B3GALT1: variants seen among roughly 807,000 people sequenced by gnomAD.
B3GALT1 encodes beta-1,3-galactosyltransferase 1.
B3GALT1 carries 10 observed loss-of-function variants against 23.2 expected under a neutral mutation model. The observed-to-expected ratio is 0.43, with a 90% CI of 0.27 to 0.73. The LOEUF (loss-of-function observed/expected upper bound fraction) is 0.73, where lower values mean the gene tolerates loss of function less well. B3GALT1 is among the 30% of genes least tolerant of loss of function. The pLI is 0.21. For synonymous variants in B3GALT1, 156 were observed against 141.5 expected (o/e 1.10, Z -0.73); for missense variants, 299 against 405.4 (o/e 0.74, Z 2.25).
intron 3 of B3GALT1, among the ~76,000 whole-genome samples, chr2:167,658,967 A>C (rs1686008225): frequency 6.6e-6 from 1 of 152,152 alleles, no homozygotes; most frequent in Non-Finnish European, 1.5e-5. Flanking sequence ...GAAACAACAA[A>C]TTCTAGTCCA....
rs192757814 is a variant in B3GALT1 at position 167,497,055 on chromosome 2, A to T, written c.-410+6778A>T. 3.8e-3 allele frequency among the ~76,000 whole-genome samples: 521 copies of T among 138,500 alleles called. 5 individuals are homozygous for T. Among genetic ancestry groups the T allele is most frequent in the Non-Finnish European group, 5.7e-3 (386 of 67,796 alleles). 90.9% of individuals were successfully genotyped at this position (138,500 alleles called of 152,430 possible). On this transcript the variant is annotated intron_variant, in intron 2 of 4. Coordinates refer to ENST00000392690, the MANE Select transcript of B3GALT1 (RefSeq NM_020981.4). ...TGTACCCTAAAACTTAAACTATAAT[A>T]AAAAAAAAGTACATTTCTGTTGCTT...
intron 2 of B3GALT1, among the ~76,000 whole-genome samples, chr2:167,522,900 A>G (rs1218909475): frequency 2.6e-5 from 4 of 152,206 alleles, no homozygotes; most frequent in African/African-American, 9.6e-5. Context: ...CAGTAAAAGC[A>G]TTCTAAAGCA....
chr2:167,796,005 G>A (rs11892261), intron 3 of B3GALT1, among the ~76,000 whole-genome samples: 17,502 of 152,160 alleles, frequency 0.12, 1,395 homozygotes, highest in African/African-American at 0.21. Flanking sequence ...CTTTCAGTTG[G>A]TTTAATAACT....
intron 3 of B3GALT1, among the ~76,000 whole-genome samples, chr2:167,791,312 G>A (rs772397503): frequency 3.3e-5 from 5 of 151,902 alleles, no homozygotes; most frequent in African/African-American, 4.8e-5. Flanking sequence ...AACTACTTTC[G>A]CAGTTTTTAT....
chr2:167,418,672 C>T (rs1357734561), intron 1 of B3GALT1, among the ~76,000 whole-genome samples: 1 of 119,934 alleles, frequency 8.3e-6, no homozygotes, highest in African/African-American at 3.0e-5. Context: ...TCCTTTATTT[C>T]TTCCTCTTTT....
intron 2 of B3GALT1, among the ~76,000 whole-genome samples, chr2:167,639,171 T>G (rs2105453778): frequency 6.6e-6 from 1 of 152,048 alleles, no homozygotes; most frequent in Admixed American, 6.6e-5. Context: ...CCGGAAGAAA[T>G]AAAGATAGAA....
chr2:167,556,635 CAAT>C (rs1233950483), intron 2 of B3GALT1, among the ~76,000 whole-genome samples: 1 of 152,104 alleles, frequency 6.6e-6, no homozygotes, highest in Non-Finnish European at 1.5e-5. Flanking sequence ...AGAGCTAAGA[CAAT>C]GAAGTAATAT....
At chr2:167,624,518 G>A (rs141405637) in intron 2 of B3GALT1, among the ~76,000 whole-genome samples, 84 of 152,160 alleles carry the variant, frequency 5.5e-4, no homozygotes, top group African/African-American at 1.9e-3. Flanking sequence ...AAGCAACTTT[G>A]TGACAGACAT....
rs370195031 is a variant in B3GALT1, at chr2:167,581,424, A to G, written c.-409-65485A>G. Among the ~76,000 whole-genome samples the G allele has an allele frequency of 4.1e-4, 63 of 152,344 alleles. 1 individual carries two copies. In the East Asian group the frequency reaches 5.4e-3, roughly 13 times the overall value. On this transcript the variant is annotated intron_variant, in intron 2 of 4. Coordinates refer to ENST00000392690, the MANE Select transcript of B3GALT1 (RefSeq NM_020981.4). The stretch of plus-strand genomic sequence containing the variant: ...CTGTTCCATTATTAGTCAACAACCT[A>G]TAATCATTTCCTTATACTTCCTCTG...
chr2:167,388,069 G>C lies in B3GALT1; in HGVS notation c.-511+94735G>C, dbSNP rs77375528. 2.0e-5 allele frequency among the ~76,000 whole-genome samples: 3 copies of C among 152,140 alleles called. No individual in the cohort carries two copies. In the East Asian group the frequency reaches 5.8e-4, roughly 29 times the overall value. Reference sequence around the variant, plus strand: ...TGGGCAGAGAGATAGCTTTCCTGTCGGCAGCATTAAATATCATTTCTCTAA... The same window carrying C: ...TGGGCAGAGAGATAGCTTTCCTGTCCGCAGCATTAAATATCATTTCTCTAA... On this transcript the variant is annotated intron_variant, in intron 1 of 4. Coordinates refer to ENST00000392690, the MANE Select transcript of B3GALT1 (RefSeq NM_020981.4).
At chr2:167,825,196 A>G (rs940824907) in intron 4 of B3GALT1, among the ~76,000 whole-genome samples, 2 of 149,068 alleles carry the variant, frequency 1.3e-5, no homozygotes, top group African/African-American at 2.5e-5. Flanking sequence ...AGGCAGGAGA[A>G]TGGCGTGAAC....
intron 1 of B3GALT1, among the ~76,000 whole-genome samples, chr2:167,339,159 T>C (rs753748897): frequency 9.2e-5 from 14 of 152,178 alleles, no homozygotes; most frequent in Non-Finnish European, 1.9e-4. Flanking sequence ...CACATAAGGA[T>C]GTTCATAGCA....
intron 3 of B3GALT1, among the ~76,000 whole-genome samples, chr2:167,802,129 T>C (rs1459105141): frequency 6.6e-6 from 1 of 152,224 alleles, no homozygotes; most frequent in Non-Finnish European, 1.5e-5. Context: ...TGTAGACCTG[T>C]AGCCACACTA....
chr2:167,327,419 T>C (rs1696912780), intron 1 of B3GALT1, among the ~76,000 whole-genome samples: 1 of 152,122 alleles, frequency 6.6e-6, no homozygotes, highest in South Asian at 2.1e-4. Flanking sequence ...TCCTCTTCAG[T>C]TTCTTTCGTC....
chr2:167,647,270 T>C (rs1481988497), intron 3 of B3GALT1, among the ~76,000 whole-genome samples: 1 of 152,180 alleles, frequency 6.6e-6, no homozygotes, highest in Non-Finnish European at 1.5e-5. Context: ...CTATTTACTT[T>C]TGAGTTTATA....
At chr2:167,496,361 A>G (rs551167153) in intron 2 of B3GALT1, among the ~76,000 whole-genome samples, 1 of 152,254 alleles carries the variant, frequency 6.6e-6, no homozygotes, top group South Asian at 2.1e-4. Context: ...GAGAAGATAA[A>G]TTTGGGCTTT....
chr2:167,691,069 A>G (rs1398363393), intron 3 of B3GALT1, among the ~76,000 whole-genome samples: 1 of 152,164 alleles, frequency 6.6e-6, no homozygotes, highest in African/African-American at 2.4e-5. Context: ...ATTTGAATAT[A>G]AATAATTGAT....
intron 1 of B3GALT1, among the ~76,000 whole-genome samples, chr2:167,390,280 C>T (rs1237387682): frequency 1.3e-5 from 2 of 152,230 alleles, no homozygotes; most frequent in South Asian, 2.1e-4. Context: ...TGTGGATGAT[C>T]GTGATCTTGT....
chr2:167,597,141 A>T (rs1574159285), intron 2 of B3GALT1, among the ~76,000 whole-genome samples: 1 of 139,276 alleles, frequency 7.2e-6, no homozygotes, highest in African/African-American at 2.6e-5. Flanking sequence ...TTTTAGATAG[A>T]GCCTCTCTCT....
Sources: gnomAD v4.1 joint callset for allele counts (sites outside exome capture counted in the v4.1 genomes callset) on GRCh38, gnomAD v4.1.1 for gene constraint, MANE v1.5 for transcripts, NCBI Gene and HGNC (gene_info 2026-07-23, HGNC 2026-07-21) for gene names.